The following ADAM15 variants were observed in gnomAD, a reference collection of about 807,000 sequenced individuals.
ADAM15 encodes the protein disintegrin and metalloproteinase domain-containing protein 15.
A neutral mutation model predicts 113.8 loss-of-function variants in ADAM15; 77 were observed. The ratio of observed to expected loss-of-function variants is 0.68; its 90% confidence interval spans 0.56 to 0.82. The LOEUF is 0.82. Among genes scored for constraint, ADAM15 ranks in the 40% least tolerant of loss-of-function variants. The pLI, the probability that ADAM15 is intolerant of heterozygous loss-of-function variation, is 0.00. For missense variants in ADAM15, 963 were observed against 1,120.1 expected (o/e 0.86, Z 2.00); for synonymous variants, 388 against 454.1 (o/e 0.85, Z 1.85).
Position 155,056,479 on chromosome 1 carries a change from T to C in ADAM15, c.999+9T>C. Reference sequence around the variant, plus strand: ...CAGGAGGTGTGAACATGGTGAGTTATTTCCAGGTCTCCTCCTCATTCCCAA... The same window carrying C: ...CAGGAGGTGTGAACATGGTGAGTTACTTCCAGGTCTCCTCCTCATTCCCAA... On this transcript the variant is annotated intron_variant, in intron 10 of 22. Transcript: ENST00000356955. This position sits in a 1 kb window ranked among gnomAD's most constrained non-coding sequence, Gnocchi z 4.0. 6.2e-7 allele frequency: 1 copy of C among 1,612,062 alleles called. No individual in the cohort carries two copies.
At position 155,060,239 on chromosome 1, in the gene ADAM15, C is replaced by T; in HGVS notation, c.2103C>T (p.Ser701=). 1 of 1,614,156 alleles carries T rather than the reference C, an allele frequency of 6.2e-7. No individual in the cohort carries two copies. Among genetic ancestry groups the T allele is most frequent in the Non-Finnish European group, 8.5e-7 (1 of 1,180,018 alleles). ...CCCTGACCACAGGGCTGCTCCTCAG[C>T]CTCCTGGTCTTATTGGTCCTGGTGA... is the stretch of plus-strand genomic sequence containing the variant. The part of the protein sequence containing the change: ...TSSLTTGLLL[S]LLVLLVLVML... Residue 701 remains serine (S), a synonymous_variant, in exon 18 of 23, where the codon AGC becomes AGT. Transcript: ENST00000356955.
In ADAM15 at chr1:155,056,928, C is replaced by T; in HGVS notation, c.1000-25C>T. 1 of 1,536,450 alleles carries T rather than the reference C, an allele frequency of 6.5e-7. No individual in the cohort carries two copies. The highest frequency in any genetic ancestry group is 8.8e-7 in the Non-Finnish European group (1 of 1,140,858). ...TGGTGGAGGCAGGCTGGGACTGGAC[C>T]TACAGTACCCCTCCCCAATGACAGG... On this transcript the variant is annotated intron_variant, in intron 10 of 22. Transcript: ENST00000356955. The surrounding 1 kb of genome is among the most constrained non-coding windows in gnomAD (Gnocchi z 4.0).
At position 155,055,748 on chromosome 1, in the gene ADAM15, C is replaced by T. The variant is rs759754766; in HGVS notation, c.613-42C>T. 2.0e-5 allele frequency: 32 copies of T among 1,609,934 alleles called. No homozygotes were observed. In the East Asian group the frequency reaches 2.7e-4, roughly 13 times the overall value. On this transcript the variant is annotated intron_variant, in intron 6 of 22. Transcript: ENST00000356955. The stretch of plus-strand genomic sequence containing the variant: ...GTCAGCCCGGCACAGCTGCTGGCTG[C>T]GAGCGGCAGGTTTGCCTGATAATTC...
At chr1:155,052,349 GTGAT>G (rs1661160717) in intron 1 of ADAM15, 1 of 713,052 alleles carries the variant, frequency 1.4e-6, no homozygotes, top group Admixed American at 2.8e-5. Context: ...TGGGGGGAGA[GTGAT>G]TGGGAGGGAG....
rs1404356079 is a variant in ADAM15, at chr1:155,058,818, G to A, written c.1995+31G>A. The stretch of plus-strand genomic sequence containing the variant: ...CTGGGATGGGGGAAGTGGAAGGGGA[G>A]CAGAGAGCCTCTAGAGAGGAAAAGG... On this transcript the variant is annotated intron_variant, in intron 16 of 22. Transcript: ENST00000356955. The surrounding 1 kb of genome is among the most constrained non-coding windows in gnomAD (Gnocchi z 4.3). 1 of 1,596,732 alleles carries A rather than the reference G, an allele frequency of 6.3e-7. No individual in the cohort carries two copies. The highest frequency in any genetic ancestry group is 1.7e-5 in the Admixed American group (1 of 57,538).
chr1:155,056,580 G>A lies in ADAM15; in HGVS notation c.999+110G>A. Reference sequence around the variant, plus strand: ...AAGTTGCCCAACCCCAAAGCTACAGGTATAGAGGGTGGAGGTACGTGATGT... The same window carrying A: ...AAGTTGCCCAACCCCAAAGCTACAGATATAGAGGGTGGAGGTACGTGATGT... On this transcript the variant is annotated intron_variant, in intron 10 of 22. Coordinates refer to ENST00000356955, the MANE Select transcript of ADAM15 (RefSeq NM_207197.3). The surrounding 1 kb of genome is among the most constrained non-coding windows in gnomAD (Gnocchi z 4.0). 8 of 1,059,628 alleles carry A rather than the reference G, an allele frequency of 7.5e-6. No homozygotes were observed. Among genetic ancestry groups the A allele is most frequent in the Non-Finnish European group, 1.1e-5 (8 of 719,162 alleles). 65.6% of individuals were successfully genotyped at this position (1,059,628 alleles called of 1,614,324 possible).
chr1:155,059,967 G>A lies in ADAM15; in HGVS notation c.2061G>A (p.Gln687=). 1 of 1,614,058 alleles carries A rather than the reference G, an allele frequency of 6.2e-7. No individual in the cohort carries two copies. Among genetic ancestry groups the A allele is most frequent in the Non-Finnish European group, 8.5e-7 (1 of 1,179,960 alleles). The part of the protein sequence containing the change: ...EGWAPPDCTT[Q]LKATSSLTTG... ...GGGCACCCCCTGACTGCACCACTCA[G>A]CTCAAAGGTAGCATGGGGGTGGGGG... Residue 687 remains glutamine (Q), a synonymous_variant, in exon 17 of 23, where the codon CAG becomes CAA. Transcript: ENST00000356955.
rs998393620 is a variant in ADAM15 at position 155,062,654 on chromosome 1, C to T, written c.*152C>T. 19 of 1,092,728 alleles carry T rather than the reference C, an allele frequency of 1.7e-5. No homozygotes were observed. The highest frequency in any genetic ancestry group is 3.0e-4 in the Middle Eastern group (1 of 3,304). The allele number at this position is 1,092,728 out of a possible 1,614,324, so 67.7% of individuals were successfully genotyped here. On this transcript the variant is annotated 3_prime_UTR_variant, in exon 23 of 23. Coordinates refer to ENST00000356955, the MANE Select transcript of ADAM15 (RefSeq NM_207197.3). The surrounding 1 kb of genome is among the most constrained non-coding windows in gnomAD (Gnocchi z 7.0). ...CCACGCGCTGTCAAGCAACACTCTG[C>T]GGACCTGCCGGCGTAGTTGCAGCGG... is the stretch of plus-strand genomic sequence containing the variant.
At position 155,062,008 on chromosome 1, in the gene ADAM15, TC is replaced by T; in HGVS notation, c.2424+39del. On this transcript the variant is annotated intron_variant, in intron 21 of 22. Transcript: ENST00000356955. The surrounding 1 kb of genome is among the most constrained non-coding windows in gnomAD (Gnocchi z 7.0). Reference sequence around the variant, plus strand: ...TGGGGGGAGAGAAGGGCACGGCCTCTCCCCCCACCTAGGGCTGTGGTGCTGG... The same window carrying T: ...TGGGGGGAGAGAAGGGCACGGCCTCTCCCCCACCTAGGGCTGTGGTGCTGG... 3 of 1,512,932 alleles carry T rather than the reference TC, an allele frequency of 2.0e-6. No homozygotes were observed. Among genetic ancestry groups the T allele is most frequent in the East Asian group, 2.4e-5 (1 of 42,534 alleles). 93.7% of individuals were successfully genotyped at this position (1,512,932 alleles called of 1,614,324 possible).
rs1431375793 is a variant in ADAM15, at chr1:155,052,702, G to A, written c.111G>A (p.Glu37=). The change falls in exon 2 of 23, where the codon GAG becomes GAA. Residue 37 remains glutamate, a synonymous_variant. Transcript: ENST00000356955. Reference sequence around the variant, plus strand: ...CTGAGGAGCAGCAGGCAGAGTCAGAGAAGGCCCCGAGGGAGCCCTTGGAGC... The same window carrying A: ...CTGAGGAGCAGCAGGCAGAGTCAGAAAAGGCCCCGAGGGAGCCCTTGGAGC... ...GGTEEQQAES[E]KAPREPLEPQ... The A allele has an allele frequency of 6.2e-7, 1 of 1,611,246 alleles. No individual in the cohort carries two copies. Among genetic ancestry groups the A allele is most frequent in the Non-Finnish European group, 8.5e-7 (1 of 1,179,208 alleles).
chr1:155,061,688 A>T, intron 20 of ADAM15, 199 bp downstream of exon 20: 2 of 767,866 alleles, frequency 2.6e-6, no homozygotes, highest in Non-Finnish European at 2.0e-6. Context: ...CTGGTGGTCA[A>T]TGGCGGGACT....
At position 155,056,150 on chromosome 1, in the gene ADAM15, A is replaced by G; in HGVS notation, c.815A>G (p.Glu272Gly). The G allele has an allele frequency of 1.9e-6, 3 of 1,613,932 alleles. No homozygotes were observed. ...GCCTGGACCCAGCGTGACCTGGTGG[A>G]GATCAGCCCAAACCCAGCTGTCACC... ...LEAWTQRDLV[E>G]ISPNPAVTLE... The change falls in exon 9 of 23, where the codon GAG becomes GGG. Residue 272 changes from glutamate to glycine, a missense_variant. Physicochemically the swap from Glu to Gly is moderately conservative, Grantham distance 98. Coordinates refer to ENST00000356955, the MANE Select transcript of ADAM15 (RefSeq NM_207197.3). The surrounding 1 kb of genome is among the most constrained non-coding windows in gnomAD (Gnocchi z 4.0).
At position 155,057,841 on chromosome 1, in the gene ADAM15, C is replaced by T; in HGVS notation, c.1417-10C>T. The T allele has an allele frequency of 6.2e-7, 1 of 1,612,764 alleles. No homozygotes were observed. The highest frequency in any genetic ancestry group is 8.5e-7 in the Non-Finnish European group (1 of 1,179,060). ...CAGTGCCCACACTGATGCTCATCCA[C>T]CCTCCACAGCTGCGCCCGTCTGGCT... On this transcript the variant is annotated splice_polypyrimidine_tract_variant and intron_variant, in intron 13 of 22. Coordinates refer to ENST00000356955, the MANE Select transcript of ADAM15 (RefSeq NM_207197.3). This position sits in a 1 kb window ranked among gnomAD's most constrained non-coding sequence, Gnocchi z 5.0.
Position 155,061,399 on chromosome 1 carries a change from C to T in ADAM15, c.2278-16C>T, listed in dbSNP as rs753677147. 3 of 1,611,018 alleles carry T rather than the reference C, an allele frequency of 1.9e-6. No homozygotes were observed. The highest frequency in any genetic ancestry group is 3.4e-5 in the Admixed American group (2 of 59,690). On this transcript the variant is annotated splice_polypyrimidine_tract_variant and intron_variant, in intron 19 of 22. Transcript: ENST00000356955. ...TCTTCCCCCTCTGTGCCTATCTGCC[C>T]CTCCTGCCCTCTCAGCAGGCTAGTG...
chr1:155,058,324 G>A lies in ADAM15; in HGVS notation c.1800G>A (p.Trp600Ter). Reference protein sequence around the residue: ...PLLGSIRDLLWETIDVNGTEL... With the variant: ...PLLGSIRDLL The stretch of plus-strand genomic sequence containing the variant: ...TGGGCTCCATCCGGGATCTACTCTG[G>A]GAGACAATAGATGTGAATGGGACTG... Residue 600 changes from tryptophan to a stop codon, truncating the protein, a stop_gained, in exon 15 of 23, where the codon TGG (tryptophan) becomes TGA (stop). Transcript: ENST00000356955. LOFTEE classifies it high-confidence loss of function. This position sits in a 1 kb window ranked among gnomAD's most constrained non-coding sequence, Gnocchi z 4.3. 6.2e-7 allele frequency: 1 copy of A among 1,614,100 alleles called. No homozygotes were observed. Among genetic ancestry groups the A allele is most frequent in the Non-Finnish European group, 8.5e-7 (1 of 1,180,040 alleles).
rs1662699943 is a variant in ADAM15 at position 155,061,986 on chromosome 1, G to T, written c.2424+11G>T. Reference sequence around the variant, plus strand: ...GTGAGAAGCCCGAAGGTAACGGTGGGGGGAGAGAAGGGCACGGCCTCTCCC... The same window carrying T: ...GTGAGAAGCCCGAAGGTAACGGTGGTGGGAGAGAAGGGCACGGCCTCTCCC... On this transcript the variant is annotated intron_variant, in intron 21 of 22. Transcript: ENST00000356955. 6.4e-7 allele frequency: 1 copy of T among 1,571,188 alleles called. No homozygotes were observed. The highest frequency in any genetic ancestry group is 8.7e-7 in the Non-Finnish European group (1 of 1,155,798).
Position 155,059,892 on chromosome 1 carries a change from T to C in ADAM15, c.1996-10T>C, listed in dbSNP as rs1343436739. ...GCAGAGCTCCTCATTGCTCGCCTTG[T>C]ACCTCCTAGGTCTGTGACAGCAACA... is the stretch of plus-strand genomic sequence containing the variant. On this transcript the variant is annotated splice_polypyrimidine_tract_variant and intron_variant, in intron 16 of 22. Coordinates refer to ENST00000356955, the MANE Select transcript of ADAM15 (RefSeq NM_207197.3). 3.1e-6 allele frequency: 5 copies of C among 1,613,482 alleles called. No homozygotes were observed. Among genetic ancestry groups the C allele is most frequent in the African/African-American group, 1.3e-5 (1 of 74,890 alleles).
At position 155,057,560 on chromosome 1, in the gene ADAM15, T is replaced by A. The variant is rs556212730; in HGVS notation, c.1324-77T>A. 1 of 1,564,814 alleles carries A rather than the reference T, an allele frequency of 6.4e-7. No homozygotes were observed. The highest frequency in any genetic ancestry group is 1.4e-5 in the African/African-American group (1 of 73,994). On this transcript the variant is annotated intron_variant, in intron 12 of 22. Coordinates refer to ENST00000356955, the MANE Select transcript of ADAM15 (RefSeq NM_207197.3). This position sits in a 1 kb window ranked among gnomAD's most constrained non-coding sequence, Gnocchi z 5.0. ...CTGTGTAGCTTCTGGTCTTGGCCTG[T>A]GGGAGGAGGAGAGATTGGAGGGAGG...
chr1:155,058,703 G>A lies in ADAM15; in HGVS notation c.1918-7G>A, dbSNP rs750160238. On this transcript the variant is annotated splice_region_variant and splice_polypyrimidine_tract_variant and intron_variant, in intron 15 of 22. Transcript: ENST00000356955. This position sits in a 1 kb window ranked among gnomAD's most constrained non-coding sequence, Gnocchi z 4.3. The stretch of plus-strand genomic sequence containing the variant: ...ATCTGATCCAGGCTCTTCTCTCCCT[G>A]GGTCAGGTGTGTATAGACCATCGAT... 6.2e-7 allele frequency: 1 copy of A among 1,612,830 alleles called. No individual in the cohort carries two copies. The highest frequency in any genetic ancestry group is 1.7e-5 in the Admixed American group (1 of 59,816).
Sources: gnomAD v4.1 joint callset for allele counts on GRCh38, gnomAD v4.1.1 for gene constraint, Gnocchi (gnomAD v3.1) non-coding constraint, MANE v1.5 for transcripts, NCBI Gene and HGNC (gene_info 2026-07-23, HGNC 2026-07-21) for gene names.